Variants in CHLSN observed in about 807,000 individuals in gnomAD.
CHLSN encodes cholesin.
the CHLSN span, among the ~76,000 whole-genome samples, chr7:1,048,073 CA>C: frequency 6.6e-6 from 1 of 152,046 alleles, no homozygotes; most frequent in Non-Finnish European, 1.5e-5. Flanking sequence ...AGACAGTGGT[CA>C]GGGGTGGGTT....
chr7:980,248 C>T, the CHLSN span, among the ~76,000 whole-genome samples: 2 of 142,732 alleles, frequency 1.4e-5, no homozygotes, highest in African/African-American at 5.0e-5. Flanking sequence ...CCTCTGATGT[C>T]AGGGGCAGGC....
the CHLSN span, among the ~76,000 whole-genome samples, chr7:1,096,458 G>A: frequency 4.6e-5 from 7 of 152,206 alleles, no homozygotes; most frequent in Non-Finnish European, 1.0e-4. This position sits in a 1 kb window ranked among gnomAD's most constrained non-coding sequence, Gnocchi z 4.6. Context: ...GGGAGCTGTA[G>A]GACAGAGACC....
chr7:1,093,154 T>A, the CHLSN span: 1 of 594,270 alleles, frequency 1.7e-6, no homozygotes, highest in Non-Finnish European at 3.3e-6. Context: ...CAACCCTGCC[T>A]GCCGCTGCAC....
the CHLSN span, among the ~76,000 whole-genome samples, chr7:1,097,429 T>C: frequency 6.6e-6 from 1 of 152,298 alleles, no homozygotes; most frequent in South Asian, 2.1e-4. The surrounding 1 kb of genome is among the most constrained non-coding windows in gnomAD (Gnocchi z 4.3). Flanking sequence ...ACAATCGTGA[T>C]AGACCATGAA....
At chr7:1,003,963 T>C in the CHLSN span, among the ~76,000 whole-genome samples, 3 of 121,836 alleles carry the variant, frequency 2.5e-5, no homozygotes, top group Non-Finnish European at 5.1e-5. Flanking sequence ...GTGAGTGGAG[T>C]CCTGTGGGTG....
chr7:1,010,262 G>T, the CHLSN span: 2 of 909,768 alleles, frequency 2.2e-6, no homozygotes, highest in Non-Finnish European at 3.2e-6. Context: ...CTGTCCCCAA[G>T]CACTGGGTCT....
the CHLSN span, among the ~76,000 whole-genome samples, chr7:1,104,507 C>G: frequency 6.6e-6 from 1 of 152,258 alleles, no homozygotes; most frequent in African/African-American, 2.4e-5. Context: ...CATGTCAGTA[C>G]TGCAGCTCCG....
the CHLSN span, among the ~76,000 whole-genome samples, chr7:1,113,492 A>G: frequency 1.3e-5 from 2 of 152,126 alleles, no homozygotes; most frequent in African/African-American, 4.8e-5. Flanking sequence ...GACCGTCCAC[A>G]CTGAGAAGAT....
chr7:1,117,066 G>T, the CHLSN span, among the ~76,000 whole-genome samples: 5 of 107,522 alleles, frequency 4.7e-5, 1 homozygote. Context: ...GCCCACGCAG[G>T]ATGATGACAT....
the CHLSN span, among the ~76,000 whole-genome samples, chr7:1,132,419 A>G: frequency 0.61 from 92,089 of 151,904 alleles, 29,621 homozygotes; most frequent in African/African-American, 0.83. Flanking sequence ...CAGGCTAGGC[A>G]CTGTGGCTCA....
the CHLSN span, among the ~76,000 whole-genome samples, chr7:1,054,445 G>T: frequency 6.6e-6 from 1 of 152,252 alleles, no homozygotes; most frequent in African/African-American, 2.4e-5. Context: ...CTGGAGGCCG[G>T]CGTTCCCAGG....
chr7:1,077,757 ACT>A, the CHLSN span: 1 of 152,122 alleles, frequency 6.6e-6, no homozygotes, highest in East Asian at 1.9e-4. Flanking sequence ...TCTTTACACA[ACT>A]CTAGGTTTTC....
At chr7:1,011,612 G>A in the CHLSN span, among the ~76,000 whole-genome samples, 11 of 129,288 alleles carry the variant, frequency 8.5e-5, no homozygotes, top group South Asian at 2.6e-4. Context: ...AGCCACACAC[G>A]CCCACACCCA....
chr7:1,131,497 T>C, the CHLSN span, among the ~76,000 whole-genome samples: 1 of 152,246 alleles, frequency 6.6e-6, no homozygotes, highest in African/African-American at 2.4e-5. Context: ...ATTGGAAGAA[T>C]ATTCCTATTG....
chr7:988,983 C>T, the CHLSN span: 1 of 581,704 alleles, frequency 1.7e-6, no homozygotes, highest in Non-Finnish European at 3.0e-6. Flanking sequence ...CTTCCGGTTA[C>T]ACCCAGGACT....
the CHLSN span, chr7:983,127 CG>C: frequency 2.5e-6 from 3 of 1,178,628 alleles, no homozygotes; most frequent in Non-Finnish European, 3.3e-6. Flanking sequence ...GGGTGGGGTG[CG>C]GGCACGCCCT....
chr7:1,095,635 C>A, the CHLSN span, among the ~76,000 whole-genome samples: 2 of 152,228 alleles, frequency 1.3e-5, no homozygotes, highest in Non-Finnish European at 2.9e-5. Flanking sequence ...CCACACGGAA[C>A]GTGGTCTGGT....
the CHLSN span, among the ~76,000 whole-genome samples, chr7:1,053,610 C>A: frequency 1.2e-4 from 19 of 152,278 alleles, no homozygotes; most frequent in Admixed American, 5.2e-4. Context: ...GGCGGATCAC[C>A]TGAGGTCGGG....
the CHLSN span, among the ~76,000 whole-genome samples, chr7:1,109,871 A>T: frequency 6.8e-6 from 1 of 146,928 alleles, no homozygotes; most frequent in East Asian, 2.1e-4. Context: ...TCTGTCTACC[A>T]GGCAACCACC....
Sources: allele counts gnomAD v4.1 joint callset (sites outside exome capture counted in the v4.1 genomes callset), GRCh38; gene constraint gnomAD v4.1.1; non-coding constraint Gnocchi (gnomAD v3.1); transcripts MANE v1.5; gene names NCBI Gene and HGNC (gene_info 2026-07-23, HGNC 2026-07-21).